ERG: variants seen among roughly 807,000 people sequenced by gnomAD.
ERG encodes the protein ETS transcription factor ERG.
In ERG, 9 loss-of-function variants were observed where a neutral mutation model predicts 55.3. That is an observed-to-expected ratio of 0.16 (90% CI 0.10 to 0.28). The LOEUF (loss-of-function observed/expected upper bound fraction) is 0.28, where lower values mean the gene tolerates loss of function less well. Ranked by LOEUF, ERG falls within the 10% of genes least tolerant of loss-of-function variation. ERG has a pLI of 1.00. For synonymous variants in ERG, 223 were observed against 237.3 expected, an observed-to-expected ratio of 0.94 and a Z score of 0.55; for missense variants, 434 against 631.6, an observed-to-expected ratio of 0.69 and a Z score of 3.35.
chr21:38,398,412 T>C (rs922101753), intron 6 of ERG, among the ~76,000 whole-genome samples: 3 of 152,202 alleles, frequency 2.0e-5, no homozygotes, highest in African/African-American at 7.2e-5. Context: ...ATACCAATAT[T>C]TGTATTGGTT....
rs9636945 is a variant in ERG, at chr21:38,650,592, G to A, written c.-150+11066C>T. On this transcript the variant is annotated intron_variant, in intron 1 of 10. Transcript: ENST00000398910. ...GCGGACGTTGCAGTGAGCCAAGATC[G>A]CACCACTGCACTCCAGCCTGCGCAA... 2.7e-3 allele frequency among the ~76,000 whole-genome samples: 406 copies of A among 151,370 alleles called. 5 individuals carry two copies. The highest frequency in any genetic ancestry group is 0.024 in the East Asian group (122 of 5,044).
At chr21:38,585,532 C>CTTTTTTTTTTTTTT (rs760791568), upstream of ERG, among the ~76,000 whole-genome samples, 2,296 of 59,234 alleles carry the variant, frequency 0.039, 684 homozygotes, top group Middle Eastern at 0.056. Context: ...TCTCTCTCTT[C>CTTTTTTTTTTTTTT]TTTTTTTTTT....
chr21:38,429,076 C>A (rs945540219), intron 2 of ERG, among the ~76,000 whole-genome samples: 2 of 152,132 alleles, frequency 1.3e-5, no homozygotes, highest in Non-Finnish European at 2.9e-5. Context: ...TCCACTGTAT[C>A]ATTCTTATGC....
chr21:38,509,260 C>T (rs2059493011), intron 2 of ERG, among the ~76,000 whole-genome samples: 2 of 152,308 alleles, frequency 1.3e-5, no homozygotes, highest in Admixed American at 6.5e-5. Flanking sequence ...ACTTTTGCAA[C>T]GTTGCTACAG....
chr21:38,570,677 T>C (rs2059952129), intron 2 of ERG, among the ~76,000 whole-genome samples: 1 of 152,168 alleles, frequency 6.6e-6, no homozygotes, highest in Non-Finnish European at 1.5e-5. Context: ...ACTAAGGAAC[T>C]TGTACAAAAT....
At chr21:38,494,006 C>T (rs2146682909) in intron 1 of ERG, among the ~76,000 whole-genome samples, 1 of 152,282 alleles carries the variant, frequency 6.6e-6, no homozygotes, top group African/African-American at 2.4e-5. Context: ...TGGCATCTGC[C>T]ATTTATTGAG....
At chr21:38,385,548 T>C (rs1257280761) in intron 9 of ERG, among the ~76,000 whole-genome samples, 2 of 152,252 alleles carry the variant, frequency 1.3e-5, no homozygotes, top group Non-Finnish European at 2.9e-5. Flanking sequence ...ATGGATATTT[T>C]TGTGAATTTA....
At chr21:38,608,561 A>T (rs562609594) in intron 1 of ERG, among the ~76,000 whole-genome samples, 1 of 152,334 alleles carries the variant, frequency 6.6e-6, no homozygotes, top group South Asian at 2.1e-4. Context: ...TAAGTAGACA[A>T]GCAATTAGTA....
At chr21:38,584,797 G>A (rs577531933) in intron 1 of ERG, 1 of 152,084 alleles carries the variant, frequency 6.6e-6, no homozygotes, top group South Asian at 2.1e-4. Flanking sequence ...TTTTAAAAGG[G>A]GTCCTGACTA....
intron 2 of ERG, among the ~76,000 whole-genome samples, chr21:38,435,077 C>T (rs1452270386): frequency 6.6e-6 from 1 of 152,160 alleles, no homozygotes. Context: ...CTTTCTTTGG[C>T]AGCTCTACCC....
At chr21:38,523,658 C>G (rs375770765) in intron 2 of ERG, among the ~76,000 whole-genome samples, 2 of 152,166 alleles carry the variant, frequency 1.3e-5, no homozygotes, top group East Asian at 1.9e-4. Flanking sequence ...GTTACCCACA[C>G]GGAATTCTCA....
chr21:38,654,758 C>CAGAAA (rs2060508772), intron 1 of ERG, among the ~76,000 whole-genome samples: 3 of 152,208 alleles, frequency 2.0e-5, no homozygotes, highest in Non-Finnish European at 4.4e-5. Flanking sequence ...TTTTCCTCCA[C>CAGAAA]TTTTGCTTAT....
chr21:38,401,588 T>C (rs1413176647), intron 5 of ERG, among the ~76,000 whole-genome samples: 2 of 152,092 alleles, frequency 1.3e-5, no homozygotes, highest in Non-Finnish European at 2.9e-5. Context: ...AAATGGTAAA[T>C]ATTGGGAAAA....
At chr21:38,553,614 A>C (rs2059838521) in intron 2 of ERG, among the ~76,000 whole-genome samples, 1 of 152,214 alleles carries the variant, frequency 6.6e-6, no homozygotes. Flanking sequence ...TAGTGCTTGG[A>C]TAACTAGCTA....
intron 1 of ERG, among the ~76,000 whole-genome samples, chr21:38,624,194 G>A (rs1217861570): frequency 6.6e-6 from 1 of 151,988 alleles, no homozygotes; most frequent in African/African-American, 2.4e-5. Context: ...GCAAAGCCCT[G>A]GCTGTCTCCA....
intron 2 of ERG, among the ~76,000 whole-genome samples, chr21:38,505,618 G>C (rs1181825919): frequency 6.6e-6 from 1 of 152,186 alleles, no homozygotes; most frequent in Non-Finnish European, 1.5e-5. Flanking sequence ...TTTCTGAGTG[G>C]ACTGGCCATG....
chr21:38,578,333 C>T (rs976047340), intron 1 of ERG, among the ~76,000 whole-genome samples: 8 of 152,204 alleles, frequency 5.3e-5, no homozygotes, highest in African/African-American at 1.9e-4. Flanking sequence ...GGGTAAATAG[C>T]TTGTTTCACT....
In ERG at chr21:38,382,214, T is replaced by G. The variant is rs1023780798; in HGVS notation, c.*1189A>C. On this transcript the variant is annotated 3_prime_UTR_variant, in exon 10 of 10. Transcript: ENST00000288319. ...ACTCGTAGTGTATAAATGCATAAGTTATATAATTATTATATAAAAAGGGGG... is the reference window on the plus strand; with the variant it reads ...ACTCGTAGTGTATAAATGCATAAGTGATATAATTATTATATAAAAAGGGGG... The G allele has an allele frequency of 9.5e-7, 1 of 1,047,460 alleles. No individual in the cohort carries two copies. Among genetic ancestry groups the G allele is most frequent in the African/African-American group, 1.7e-5 (1 of 60,090 alleles). The allele number at this position is 1,047,460 out of a possible 1,614,324, so 64.9% of individuals were successfully genotyped here. A position where few individuals can be genotyped will look rare whatever the true frequency, so the allele number is the denominator to read the frequency against.
chr21:38,420,307 T>C (rs1054801193), intron 3 of ERG, among the ~76,000 whole-genome samples: 2 of 151,254 alleles, frequency 1.3e-5, no homozygotes, highest in East Asian at 1.9e-4. Context: ...TGTGTGCGTG[T>C]GTGTGTGTGT....
Sources: gnomAD v4.1 joint callset for allele counts (sites outside exome capture counted in the v4.1 genomes callset) on GRCh38, gnomAD v4.1.1 for gene constraint, MANE v1.5 for transcripts, NCBI Gene and HGNC (gene_info 2026-07-23, HGNC 2026-07-21) for gene names.